MCFD2: variants seen among roughly 807,000 people sequenced by gnomAD.
MCFD2 encodes multiple coagulation factor deficiency 2, ER cargo receptor complex subunit, also known as multiple coagulation factor deficiency protein 2.
Under a neutral mutation model 12.8 loss-of-function variants are expected in MCFD2, and 11 were observed. The ratio of observed to expected loss-of-function variants is 0.86; its 90% CI spans 0.54 to 1.42. The LOEUF is 1.42. Among genes scored for constraint, MCFD2 ranks in the 40% most tolerant of loss-of-function variants. The pLI is 0.00. For missense variants in MCFD2, 191 were observed against 178.6 expected (o/e 1.07, Z -0.40); for synonymous variants, 70 against 68.1 (o/e 1.03, Z -0.14).
intron 1 of MCFD2, among the ~76,000 whole-genome samples, chr2:46,934,849 G>A (rs1422876357): frequency 1.6e-5 from 2 of 128,934 alleles, no homozygotes; most frequent in Non-Finnish European, 3.1e-5. Context: ...TCGCCAGGCT[G>A]GAGTGCAGTG....
At chr2:46,935,772 T>C (rs2103858128) in intron 1 of MCFD2, among the ~76,000 whole-genome samples, 1 of 152,266 alleles carries the variant, frequency 6.6e-6, no homozygotes, top group East Asian at 1.9e-4. Flanking sequence ...AAGTCTTGTA[T>C]TGGACCCAAG....
intron 1 of MCFD2, among the ~76,000 whole-genome samples, chr2:46,939,224 A>G (rs1406317271): frequency 1.3e-5 from 2 of 152,222 alleles, no homozygotes; most frequent in East Asian, 3.9e-4. Context: ...CCTCTACCCA[A>G]AATTGTACAA....
chr2:46,941,481 G>T lies in MCFD2; in HGVS notation c.-8+91C>A, dbSNP rs1016880663. The T allele has an allele frequency of 6.6e-7, 1 of 1,516,980 alleles. No individual in the cohort carries two copies. Among genetic ancestry groups the T allele is most frequent in the African/African-American group, 1.4e-5 (1 of 69,718 alleles). The allele number at this position is 1,516,980 out of a possible 1,614,324, so 94.0% of individuals were successfully genotyped here. Reference sequence around the variant, plus strand: ...CCCGCGAGTGCGCCCCAGCCAGGACGCCGCCCCCGGCCGGGTCTCCACTTC... The same window carrying T: ...CCCGCGAGTGCGCCCCAGCCAGGACTCCGCCCCCGGCCGGGTCTCCACTTC... On this transcript the variant is annotated intron_variant, in intron 1 of 2. Coordinates refer to the MCFD2 transcript ENST00000409147. This position sits in a 1 kb window ranked among gnomAD's most constrained non-coding sequence, Gnocchi z 4.2.
At chr2:46,935,290 A>C (rs1362094457) in intron 1 of MCFD2, among the ~76,000 whole-genome samples, 1 of 152,160 alleles carries the variant, frequency 6.6e-6, no homozygotes, top group Non-Finnish European at 1.5e-5. Context: ...TCCTGAGCCC[A>C]GGAGTTCAAG....
At chr2:46,936,605 C>A (rs1669991223) in intron 1 of MCFD2, among the ~76,000 whole-genome samples, 1 of 152,170 alleles carries the variant, frequency 6.6e-6, no homozygotes, top group Non-Finnish European at 1.5e-5. Context: ...ATCAACCTGT[C>A]TATGGCTTCC....
rs1668356944 is a variant in MCFD2, at chr2:46,908,844, A to G, written c.149+179T>C. On this transcript the variant is annotated intron_variant, in intron 2 of 3. Coordinates refer to ENST00000319466, the MANE Select transcript of MCFD2 (RefSeq NM_139279.6). This position sits in a 1 kb window ranked among gnomAD's most constrained non-coding sequence, Gnocchi z 4.5. ...CTAAAGATCTTCCACCTGTGATACA[A>G]TGATGAAAAAAGAATACCTGACTTA... The G allele has an allele frequency of 3.8e-6, 3 of 794,914 alleles. No individual in the cohort carries two copies. Among genetic ancestry groups the G allele is most frequent in the Non-Finnish European group, 6.1e-6 (3 of 489,270 alleles). The allele number at this position is 794,914 out of a possible 1,614,324, so 49.2% of individuals were successfully genotyped here. A position where few individuals can be genotyped will look rare whatever the true frequency, so the allele number is the denominator to read the frequency against.
At chr2:46,934,592 A>G (rs917925393) in intron 1 of MCFD2, among the ~76,000 whole-genome samples, 4 of 151,966 alleles carry the variant, frequency 2.6e-5, no homozygotes, top group African/African-American at 9.7e-5. Context: ...TTCAATAGAT[A>G]GACTCAAACT....
chr2:46,935,215 G>A (rs189937992), intron 1 of MCFD2, among the ~76,000 whole-genome samples: 149 of 152,178 alleles, frequency 9.8e-4, no homozygotes, highest in African/African-American at 3.0e-3. Flanking sequence ...GGGGTCAGGC[G>A]TGTGTGGAGG....
intron 1 of MCFD2, among the ~76,000 whole-genome samples, chr2:46,921,583 T>C (rs1329294759): frequency 1.3e-5 from 2 of 152,216 alleles, no homozygotes; most frequent in African/African-American, 4.8e-5. Context: ...TTCATGCAAA[T>C]GATATGCTCA....
At chr2:46,934,566 A>C (rs889674875) in intron 1 of MCFD2, among the ~76,000 whole-genome samples, 1 of 151,782 alleles carries the variant, frequency 6.6e-6, no homozygotes, top group East Asian at 1.9e-4. Flanking sequence ...GAGCCACCCA[A>C]CCCGGCCTGT....
chr2:46,939,068 G>A (rs1670122713), intron 1 of MCFD2, among the ~76,000 whole-genome samples: 1 of 150,828 alleles, frequency 6.6e-6, no homozygotes, highest in Admixed American at 6.6e-5. Context: ...TTGAAGCTGG[G>A]AGTTTAAGAC....
At chr2:46,911,688 G>A (rs977184039) in intron 1 of MCFD2, among the ~76,000 whole-genome samples, 8 of 151,924 alleles carry the variant, frequency 5.3e-5, no homozygotes, top group Admixed American at 3.3e-4. Flanking sequence ...TTGGGAGGCC[G>A]AGGCGGGCAG....
chr2:46,927,108 G>A (rs947735501), intron 1 of MCFD2, among the ~76,000 whole-genome samples: 2 of 152,046 alleles, frequency 1.3e-5, no homozygotes, highest in African/African-American at 4.8e-5. Context: ...GAGTCACAGA[G>A]AATTCAGTGA....
rs572389042 is a variant in MCFD2, at chr2:46,905,300, T to G, written c.*163A>C. The stretch of plus-strand genomic sequence containing the variant: ...TTAGATGTCCCATTTCTCTTCTCTT[T>G]CATTTCTCTTATCTCTTCTCACCCC... On this transcript the variant is annotated 3_prime_UTR_variant, in exon 4 of 4. Coordinates refer to ENST00000319466, the MANE Select transcript of MCFD2 (RefSeq NM_139279.6). 5.2e-4 allele frequency: 389 copies of G among 746,980 alleles called. 2 individuals carry two copies. In the African/African-American group the frequency reaches 6.2e-3, roughly 12 times the overall value. 46.3% of individuals were successfully genotyped at this position (746,980 alleles called of 1,614,324 possible). A position where few individuals can be genotyped will look rare whatever the true frequency, so the allele number is the denominator to read the frequency against.
chr2:46,915,017 C>A (rs540835229), intron 1 of MCFD2, among the ~76,000 whole-genome samples: 2 of 152,314 alleles, frequency 1.3e-5, no homozygotes, highest in Admixed American at 6.5e-5. Context: ...CGCTTCTGGT[C>A]ACATGATCAG....
Position 46,936,908 on chromosome 2 carries a change from G to A in MCFD2, c.-8+4664C>T, listed in dbSNP as rs549522443. Reference sequence around the variant, plus strand: ...GGCTCTCTGTCACCCAGGCTGGAGTGCAGTGGCACGATCTCAGCTCACTGC... The same window carrying A: ...GGCTCTCTGTCACCCAGGCTGGAGTACAGTGGCACGATCTCAGCTCACTGC... On this transcript the variant is annotated intron_variant, in intron 1 of 2. Coordinates refer to the MCFD2 transcript ENST00000409147. 6.7e-5 allele frequency among the ~76,000 whole-genome samples: 10 copies of A among 150,126 alleles called. No individual in the cohort carries two copies. The South Asian group carries it at 2.1e-3, about 32-fold the overall frequency.
chr2:46,915,119 G>A (rs1055057571), intron 1 of MCFD2, among the ~76,000 whole-genome samples: 4 of 152,364 alleles, frequency 2.6e-5, no homozygotes, highest in East Asian at 3.9e-4. Flanking sequence ...GGAAGACACC[G>A]AGGTAGTCCA....
intron 1 of MCFD2, among the ~76,000 whole-genome samples, chr2:46,930,496 A>C (rs1243534824): frequency 2.1e-5 from 3 of 144,936 alleles, no homozygotes; most frequent in Non-Finnish European, 3.0e-5. Flanking sequence ...GAAGTCCTAT[A>C]ATTTTTTTTT....
In MCFD2 at chr2:46,905,536, C is replaced by T. The variant is rs1668184729; in HGVS notation, c.368G>A (p.Gly123Asp). The stretch of plus-strand genomic sequence containing the variant: ...GTTCTTGTCATCATCTCTCAAAACA[C>T]CATCTATTATGTTAATCAGTTCATC... Reference protein sequence around the residue: ...SEDELINIIDGVLRDDDKNND... With the variant: ...SEDELINIIDDVLRDDDKNND... Residue 123 changes from glycine (G) to aspartate (D), a missense_variant, in exon 4 of 4, where the codon GGT (glycine) becomes GAT (aspartate). By Grantham distance (94) the Gly-to-Asp change is moderately conservative (BLOSUM62 -1). Coordinates refer to ENST00000319466, the MANE Select transcript of MCFD2 (RefSeq NM_139279.6). 6.2e-7 allele frequency: 1 copy of T among 1,613,428 alleles called. No individual in the cohort carries two copies. The highest frequency in any genetic ancestry group is 1.7e-5 in the Admixed American group (1 of 60,006).
Sources: allele counts gnomAD v4.1 joint callset (sites outside exome capture counted in the v4.1 genomes callset), GRCh38; gene constraint gnomAD v4.1.1; non-coding constraint Gnocchi (gnomAD v3.1); transcripts MANE v1.5; gene names NCBI Gene and HGNC (gene_info 2026-07-23, HGNC 2026-07-21).